Variants in POLG observed in about 807,000 individuals in gnomAD.
POLG encodes DNA polymerase gamma, catalytic subunit.
POLG carries 110 observed loss-of-function variants against 155.4 expected under a neutral mutation model. That is an observed-to-expected ratio of 0.71 (90% confidence interval 0.61 to 0.83). POLG has a LOEUF of 0.83. Ranked by LOEUF, POLG falls within the 40% of genes least tolerant of loss-of-function variation. The probability of loss-of-function intolerance (pLI) is 0.00; values close to 1 mark genes in which losing one functional copy is unlikely to be tolerated. For missense variants in POLG, 1,685 were observed against 1,627.5 expected (o/e 1.04, Z -0.61); for synonymous variants, 701 against 631.5 (o/e 1.11, Z -1.65).
rs778849415 is a variant in POLG, at chr15:89,321,995, A to G, written c.2447T>C (p.Leu816Pro). Residue 816 changes from leucine to proline, a missense_variant, in exon 15 of 23, where the codon CTG (leucine) becomes CCG (proline). By Grantham distance (98) the Leu-to-Pro change is moderately conservative (BLOSUM62 -3). Around this residue, in one of 3 missense-constraint regions of POLG, gnomAD observed 1,210 missense variants for 1,167.1 expected, o/e 1.04. Transcript: ENST00000268124. ...KRISSQMVVWLPRSALPRAVI... is the reference protein window; with the variant it reads ...KRISSQMVVWPPRSALPRAVI... The stretch of plus-strand genomic sequence containing the variant: ...AGCACGGGGCAGAGCTGACCTGGGC[A>G]GCCACACCACCATCTGGGAGCTGTG... The G allele has an allele frequency of 6.2e-7, 1 of 1,614,202 alleles. No homozygotes were observed. Among genetic ancestry groups the G allele is most frequent in the Non-Finnish European group, 8.5e-7 (1 of 1,180,012 alleles).
At chr15:89,333,015 A>G (rs1201161184) in intron 2 of POLG, 81 bp downstream of exon 2, 1 of 1,485,232 alleles carries the variant, frequency 6.7e-7, no homozygotes, top group Non-Finnish European at 8.9e-7. Context: ...CCGTAACAGG[A>G]CCTCAGAAAA....
chr15:89,322,974 C>G (rs1032594144), intron 13 of POLG, 72 bp from the exon 14 acceptor site: 1 of 1,451,570 alleles, frequency 6.9e-7, no homozygotes, highest in Admixed American at 1.7e-5. Flanking sequence ...ACGTGAGTAC[C>G]TGCACTCCTC....
Position 89,325,245 on chromosome 15 carries a change from AGT to A in POLG, c.1949+203_1949+204del, listed in dbSNP as rs879691747. Among the ~76,000 whole-genome samples, 5,564 of 103,518 alleles carry A rather than the reference AGT, an allele frequency of 0.054. 1,424 individuals are homozygous for A. The highest frequency in any genetic ancestry group is 0.083 in the South Asian group (283 of 3,398). The allele number at this position is 103,518 out of a possible 152,430, so 67.9% of individuals were successfully genotyped here. On this transcript the variant is annotated intron_variant, in intron 10 of 22. Transcript: ENST00000268124. ...GAGAGAGTGAGTGAGAGAGTGAGTG[AGT>A]GAGAGAGAGAGTGAGTGAGTGAGTG...
Position 89,326,958 on chromosome 15 carries a change from C to A in POLG, c.1539G>T (p.Leu513Phe), listed in dbSNP as rs780077174. The change falls in exon 8 of 23, where the codon TTG (leucine) becomes TTT (phenylalanine). Residue 513 changes from leucine to phenylalanine, a missense_variant. By Grantham distance (22) the Leu-to-Phe change is conservative. Around this residue, in one of 3 missense-constraint regions of POLG, gnomAD observed 1,210 missense variants for 1,167.1 expected, o/e 1.04. Coordinates refer to ENST00000268124, the MANE Select transcript of POLG (RefSeq NM_002693.3). ...CAGGGGCCCCAGCCCCCTCGATGGGCAACTTGCTGGCTGTGGCTGGTTCCT... is the reference window on the plus strand; with the variant it reads ...CAGGGGCCCCAGCCCCCTCGATGGGAAACTTGCTGGCTGTGGCTGGTTCCT... ...VKKEPATASK[L>F]PIEGAGAPGD... is the part of the protein sequence containing the mutation. 1 of 1,614,218 alleles carries A rather than the reference C, an allele frequency of 6.2e-7. No individual in the cohort carries two copies. Among genetic ancestry groups the A allele is most frequent in the South Asian group, 1.1e-5 (1 of 91,080 alleles).
chr15:89,316,597 G>C lies in POLG; in HGVS notation c.*154C>G, dbSNP rs1263344821. The C allele has an allele frequency of 9.0e-6, 10 of 1,110,832 alleles. No individual in the cohort carries two copies. The Admixed American group carries it at 2.0e-4, about 22-fold the overall frequency. 68.8% of individuals were successfully genotyped at this position (1,110,832 alleles called of 1,614,324 possible). On this transcript the variant is annotated 3_prime_UTR_variant, in exon 23 of 23. Coordinates refer to ENST00000268124, the MANE Select transcript of POLG (RefSeq NM_002693.3). ...CCCACTGAATTCAACTGCACCTTCA[G>C]TTAGAAGGAATCTTCTTGGCAGGTC...
chr15:89,322,366 T>G (rs2055408787), intron 14 of POLG, among the ~76,000 whole-genome samples: 1 of 152,142 alleles, frequency 6.6e-6, no homozygotes, highest in African/African-American at 2.4e-5. Flanking sequence ...CACAACCACC[T>G]TGGAAATGGC....
intron 11 of POLG, 76 bp from the exon 12 acceptor site, chr15:89,323,977 G>C (rs969496729): frequency 6.5e-7 from 1 of 1,537,128 alleles, no homozygotes; most frequent in Non-Finnish European, 9.0e-7. Flanking sequence ...TCCCTGCATG[G>C]TACTCAGACA....
rs2307429 is a variant in POLG at position 89,323,863 on chromosome 15, G to T, written c.2109C>A (p.Ala703=). ...CTGCAGCTCGCAAGTTCTCCATCTT[G>T]GCCTCAGCCTCCACTTCTAAGTAAT... ...ELDYLEVEAE[A]KMENLRAAVP... The change falls in exon 12 of 23, where the codon GCC becomes GCA. Residue 703 remains alanine (A), a synonymous_variant. Transcript: ENST00000268124. The T allele has an allele frequency of 2.0e-3, 3,256 of 1,614,044 alleles. 50 individuals are homozygous for T. In the African/African-American group the frequency reaches 0.034, roughly 17 times the overall value.
At chr15:89,317,218 C>G (rs1201157372) in intron 22 of POLG, 158 bp downstream of exon 22, 2 of 685,094 alleles carry the variant, frequency 2.9e-6, no homozygotes, top group Non-Finnish European at 5.2e-6. Context: ...ATCACATTCA[C>G]TCTGGACACA....
At chr15:89,319,517 G>T in intron 18 of POLG, 167 bp from the exon 19 acceptor site, 1 of 894,128 alleles carries the variant, frequency 1.1e-6, no homozygotes, top group Non-Finnish European at 1.7e-6. Flanking sequence ...GAGGCTAAGT[G>T]CCTTGCCTAG....
chr15:89,333,221 G>A lies in POLG; in HGVS notation c.534C>T (p.Tyr178=), dbSNP rs766962517. 5 of 1,579,560 alleles carry A rather than the reference G, an allele frequency of 3.2e-6. No homozygotes were observed. The highest frequency in any genetic ancestry group is 3.5e-5 in the Admixed American group (2 of 56,988). The change falls in exon 2 of 23, where the codon TAC becomes TAT. Residue 178 remains tyrosine, a synonymous_variant. Coordinates refer to ENST00000268124, the MANE Select transcript of POLG (RefSeq NM_002693.3). ...CGGGTACGGCCTCCCCCTCGGGGCC[G>A]TACCGGGTCCAGCCCTCCGCCCAGG... is the stretch of plus-strand genomic sequence containing the variant. ...AWAWAEGWTR[Y]GPEGEAVPVA... is the part of the protein sequence containing the mutation.
At chr15:89,326,782 C>G in intron 8 of POLG, 44 bp from the exon 9 acceptor site, 1 of 1,613,700 alleles carries the variant, frequency 6.2e-7, no homozygotes, top group South Asian at 1.1e-5. Context: ...AGAAGGAACT[C>G]TCAATAAGAT....
chr15:89,316,828 C>T lies in POLG; in HGVS notation c.3644-1G>A. The stretch of plus-strand genomic sequence containing the variant: ...ATCTGGTAAATATCCAGCGCTTCAC[C>T]TGAAAGATAGTGCAAATTGGTTAGG... On this transcript the variant is annotated splice_acceptor_variant, in intron 22 of 22. Coordinates refer to ENST00000268124, the MANE Select transcript of POLG (RefSeq NM_002693.3). LOFTEE classifies it high-confidence loss of function. 6.2e-7 allele frequency: 1 copy of T among 1,612,620 alleles called. No homozygotes were observed. Among genetic ancestry groups the T allele is most frequent in the Non-Finnish European group, 8.5e-7 (1 of 1,178,624 alleles).
intron 3 of POLG, 60 bp from the exon 4 acceptor site, chr15:89,329,170 C>A: frequency 6.8e-7 from 1 of 1,460,196 alleles, no homozygotes; most frequent in East Asian, 2.4e-5. Flanking sequence ...TGGGGCCAGC[C>A]CACCACTGCT....
Position 89,326,939 on chromosome 15 carries a change from C to A in POLG, c.1558G>T (p.Ala520Ser). ...ASKLPIEGAG[A>S]PGDPMDQEDL... ...TCCTGATCCATGGGATCACCAGGGG[C>A]CCCAGCCCCCTCGATGGGCAACTTG... The change falls in exon 8 of 23, where the codon GCC (alanine) becomes TCC (serine). Residue 520 changes from alanine (A) to serine (S), a missense_variant. Transcript: ENST00000268124. 1 of 1,614,130 alleles carries A rather than the reference C, an allele frequency of 6.2e-7. No homozygotes were observed. The highest frequency in any genetic ancestry group is 2.2e-5 in the East Asian group (1 of 44,882).
chr15:89,325,530 C>T lies in POLG; in HGVS notation c.1869G>A (p.Leu623=), dbSNP rs752933920. Residue 623 remains leucine, a synonymous_variant, in exon 10 of 23, where the codon TTG becomes TTA. Transcript: ENST00000268124. ...CCAGGTTGTCCCGCCGCCCAGGCAC[C>T]AAGTAGCCCCAGCCATGACGCTCTG... ...HYSERHGWGY[L]VPGRRDNLAK... 2.5e-6 allele frequency: 4 copies of T among 1,612,698 alleles called. No individual in the cohort carries two copies. Among genetic ancestry groups the T allele is most frequent in the South Asian group, 2.2e-5 (2 of 91,080 alleles).
chr15:89,316,698 T>C lies in POLG; in HGVS notation c.*53A>G. On this transcript the variant is annotated 3_prime_UTR_variant, in exon 23 of 23. Coordinates refer to ENST00000268124, the MANE Select transcript of POLG (RefSeq NM_002693.3). The stretch of plus-strand genomic sequence containing the variant: ...AGCTGAAAGCCTGAGTTTGGGAGCC[T>C]GCACCACCCCGATGAAGCTCCACGG... 1 of 1,440,364 alleles carries C rather than the reference T, an allele frequency of 6.9e-7. No homozygotes were observed. The highest frequency in any genetic ancestry group is 9.7e-7 in the Non-Finnish European group (1 of 1,028,320). The allele number at this position is 1,440,364 out of a possible 1,614,324, so 89.2% of individuals were successfully genotyped here. A position where few individuals can be genotyped will look rare whatever the true frequency, so the allele number is the denominator to read the frequency against.
At position 89,319,104 on chromosome 15, in the gene POLG, G is replaced by A. The variant is rs759708686; in HGVS notation, c.3105-5C>T. ...TCCCACTTCTTCCACTGTGACCTAA[G>A]GGACCAGAAACAGAGGGCAGACTTT... is the stretch of plus-strand genomic sequence containing the variant. On this transcript the variant is annotated splice_polypyrimidine_tract_variant and splice_region_variant and intron_variant, in intron 19 of 22. Coordinates refer to ENST00000268124, the MANE Select transcript of POLG (RefSeq NM_002693.3). 2.5e-6 allele frequency: 4 copies of A among 1,613,988 alleles called. No individual in the cohort carries two copies. Among genetic ancestry groups the A allele is most frequent in the Admixed American group, 3.3e-5 (2 of 59,990 alleles).
intron 16 of POLG, 47 bp downstream of exon 16, chr15:89,321,689 G>A: frequency 1.5e-6 from 2 of 1,371,344 alleles, no homozygotes; most frequent in Non-Finnish European, 2.1e-6. Context: ...AGTTTCTACA[G>A]ACCTGGGAGA....
Sources: gnomAD v4.1 joint callset for allele counts (sites outside exome capture counted in the v4.1 genomes callset) on GRCh38, gnomAD v4.1.1 for gene constraint, gnomAD v4.1.1 regional missense constraint, MANE v1.5 for transcripts, NCBI Gene and HGNC (gene_info 2026-07-23, HGNC 2026-07-21) for gene names.